The following MS4A6A variants were observed in gnomAD, a reference collection of about 807,000 sequenced individuals.
MS4A6A encodes membrane spanning 4-domains A6A.
Under a neutral mutation model 20.6 loss-of-function variants are expected in MS4A6A, and 19 were observed. The observed-to-expected ratio is 0.92, with a 90% CI of 0.64 to 1.36. The LOEUF (loss-of-function observed/expected upper bound fraction) is 1.36. Ranked by LOEUF, MS4A6A falls within the 40% of genes most tolerant of loss-of-function variation. The pLI, the probability that MS4A6A is intolerant of heterozygous loss-of-function variation, is 0.00. For synonymous variants in MS4A6A, 108 were observed against 105.0 expected, an observed-to-expected ratio of 1.03 and a Z score of -0.17; for missense variants, 272 against 261.1, an observed-to-expected ratio of 1.04 and a Z score of -0.29.
At position 60,179,932 on chromosome 11, in the gene MS4A6A, T is replaced by G. The variant is rs529814098; in HGVS notation, c.181A>C (p.Ser61Arg). 28 of 1,614,076 alleles carry G rather than the reference T, an allele frequency of 1.7e-5. No individual in the cohort carries two copies. In the South Asian group the frequency reaches 3.1e-4, roughly 18 times the overall value. Residue 61 changes from serine to arginine, a missense_variant, in exon 3 of 6, where the codon AGC becomes CGC. Physicochemically the swap from Ser to Arg is moderately radical, Grantham distance 110. Transcript: ENST00000528851. ...IQILCGMMVLSLGIILASASF... is the reference protein window; with the variant it reads ...IQILCGMMVLRLGIILASASF... Reference sequence around the variant, plus strand: ...GCAGATGCCAAAATGATCCCCAAGCTCAATACCATCATGCCACACAAGATC... The same window carrying G: ...GCAGATGCCAAAATGATCCCCAAGCGCAATACCATCATGCCACACAAGATC...
intron 4 of MS4A6A, among the ~76,000 whole-genome samples, chr11:60,176,234 A>G (rs1271477825): frequency 6.6e-6 from 1 of 152,164 alleles, no homozygotes; most frequent in Non-Finnish European, 1.5e-5. Context: ...CACTGAGTGC[A>G]GTATGGGGTG....
downstream of MS4A6A, among the ~76,000 whole-genome samples, chr11:60,171,822 T>C (rs1856601071): frequency 6.6e-6 from 1 of 152,314 alleles, no homozygotes; most frequent in African/African-American, 2.4e-5. Context: ...CTGTGATCCA[T>C]TGAATGATCA....
In MS4A6A at chr11:60,177,059, T is replaced by G. The variant is rs528806192; in HGVS notation, c.339+1201A>C. 6.6e-5 allele frequency: 10 copies of G among 152,348 alleles called. No individual in the cohort carries two copies. The South Asian group carries it at 1.5e-3, about 22-fold the overall frequency. 9.4% of individuals were successfully genotyped at this position (152,348 alleles called of 1,614,324 possible). The stretch of plus-strand genomic sequence containing the variant: ...GAAATTTTTATTCAGTTGCACTATA[T>G]TTCACATCATCGATAGCCACATGTG... On this transcript the variant is annotated intron_variant, in intron 4 of 5. Transcript: ENST00000528851.
chr11:60,183,205 T>C (rs2083833449), upstream of MS4A6A: 1 of 1,534,046 alleles, frequency 6.5e-7, no homozygotes, highest in Non-Finnish European at 8.7e-7. Flanking sequence ...AGTAAAACCA[T>C]GAAAAGAGCC....
intron 2 of MS4A6A, 88 bp from the exon 3 acceptor site, chr11:60,180,053 A>G: frequency 7.6e-7 from 1 of 1,317,900 alleles, no homozygotes; most frequent in South Asian, 1.4e-5. Context: ...CTAATGCATT[A>G]TCGCCTTCTG....
chr11:60,179,434 T>TG (rs897076232), intron 3 of MS4A6A: 3 of 507,296 alleles, frequency 5.9e-6, no homozygotes, highest in South Asian at 5.1e-5. Context: ...CCCACAAGCA[T>TG]GGGGGGGATA....
Position 60,172,698 on chromosome 11 carries a change from T to C in MS4A6A, c.*303A>G, listed in dbSNP as rs1402787461. ...ATAAGGGAGGCAAGCCAGGTTCTAG[T>C]GTCCTCAGCAAAGGCACAAACTCAT... is the stretch of plus-strand genomic sequence containing the variant. On this transcript the variant is annotated 3_prime_UTR_variant, in exon 6 of 6. Coordinates refer to ENST00000528851, the MANE Select transcript of MS4A6A (RefSeq NM_022349.4). The C allele has an allele frequency of 1.2e-5, 14 of 1,198,842 alleles. No individual in the cohort carries two copies. The highest frequency in any genetic ancestry group is 3.1e-6 in the Non-Finnish European group (3 of 953,650). The allele number at this position is 1,198,842 out of a possible 1,614,324, so 74.3% of individuals were successfully genotyped here. A position where few individuals can be genotyped will look rare whatever the true frequency, so the allele number is the denominator to read the frequency against.
intron 4 of MS4A6A, chr11:60,177,929 T>A (rs1856930177): frequency 6.5e-6 from 2 of 308,502 alleles, no homozygotes; most frequent in South Asian, 7.5e-5. Context: ...CACTGTCAGC[T>A]TCCTTGCCAC....
chr11:60,173,392 G>A (rs1323219702), intron 5 of MS4A6A, among the ~76,000 whole-genome samples: 1 of 152,158 alleles, frequency 6.6e-6, no homozygotes, highest in Non-Finnish European at 1.5e-5. Context: ...TTACTTCTTT[G>A]AGACATCCAT....
At chr11:60,178,351 C>T in intron 3 of MS4A6A, 35 bp from the exon 4 acceptor site, 2 of 1,575,336 alleles carry the variant, frequency 1.3e-6, no homozygotes, top group Non-Finnish European at 1.7e-6. Context: ...GGTCAGATTC[C>T]ATGTACAGAG....
chr11:60,180,001 C>T, intron 2 of MS4A6A, 36 bp from the exon 3 acceptor site: 1 of 1,604,302 alleles, frequency 6.2e-7, no homozygotes, highest in Non-Finnish European at 8.5e-7. Flanking sequence ...GGATGAAAAC[C>T]AGCATTTGTA....
At position 60,172,917 on chromosome 11, in the gene MS4A6A, T is replaced by C; in HGVS notation, c.*84A>G. 1 of 1,594,196 alleles carries C rather than the reference T, an allele frequency of 6.3e-7. No homozygotes were observed. The highest frequency in any genetic ancestry group is 8.6e-7 in the Non-Finnish European group (1 of 1,166,844). ...CACAATGCAAATGCCCTCCCATGTG[T>C]ATCTCATGACTGACTGATTGTTCCT... On this transcript the variant is annotated 3_prime_UTR_variant, in exon 6 of 6. Coordinates refer to ENST00000528851, the MANE Select transcript of MS4A6A (RefSeq NM_022349.4).
chr11:60,180,857 C>T (rs1857100439), intron 2 of MS4A6A: 1 of 324,146 alleles, frequency 3.1e-6, no homozygotes, highest in African/African-American at 2.2e-5. Context: ...TTATCATTTA[C>T]CAAAAAGTTT....
rs1033269617 is a variant in MS4A6A at position 60,172,674 on chromosome 11, T to C, written c.*327A>G. The C allele has an allele frequency of 2.0e-5, 23 of 1,174,698 alleles. No homozygotes were observed. Among genetic ancestry groups the C allele is most frequent in the Non-Finnish European group, 2.4e-5 (23 of 940,722 alleles). 72.8% of individuals were successfully genotyped at this position (1,174,698 alleles called of 1,614,324 possible). A position where few individuals can be genotyped will look rare whatever the true frequency, so the allele number is the denominator to read the frequency against. ...TTGTGGCAGAAATTGTTTCTGCTTA[T>C]AAGGGAGGCAAGCCAGGTTCTAGTG... On this transcript the variant is annotated 3_prime_UTR_variant, in exon 6 of 6. Transcript: ENST00000528851.
At chr11:60,181,511 G>A in intron 2 of MS4A6A, 70 bp downstream of exon 2, 2 of 1,586,090 alleles carry the variant, frequency 1.3e-6, no homozygotes, top group South Asian at 2.3e-5. Flanking sequence ...CAGATGTCCA[G>A]TCCCAAGACA....
chr11:60,174,900 T>C (rs1375369019), intron 5 of MS4A6A, among the ~76,000 whole-genome samples: 1 of 152,150 alleles, frequency 6.6e-6, no homozygotes, highest in Non-Finnish European at 1.5e-5. Flanking sequence ...TTCATTATTG[T>C]GATCATTAGA....
chr11:60,180,961 A>G, intron 2 of MS4A6A: 1 of 432,016 alleles, frequency 2.3e-6, no homozygotes, highest in Non-Finnish European at 4.6e-6. Context: ...ATCCAGTCAA[A>G]CAGAGTGCCT....
chr11:60,173,013 G>A lies in MS4A6A; in HGVS notation c.666C>T (p.Ala222=), dbSNP rs1225122544. ...YSDFPGVSVL[A]GFT is the part of the protein sequence containing the mutation. ...ACACTAGGCAAGGTTAAGTGAAGCC[G>A]GCCAGCACACTCACCCCAGGGAAGT... Residue 222 remains alanine, a synonymous_variant, in exon 6 of 6, where the codon GCC becomes GCT. Coordinates refer to ENST00000528851, the MANE Select transcript of MS4A6A (RefSeq NM_022349.4). 7 of 1,613,982 alleles carry A rather than the reference G, an allele frequency of 4.3e-6. No homozygotes were observed. The highest frequency in any genetic ancestry group is 2.2e-5 in the South Asian group (2 of 91,076).
Position 60,173,086 on chromosome 11 carries a change from C to G in MS4A6A, c.593G>C (p.Cys198Ser). The G allele has an allele frequency of 6.2e-7, 1 of 1,614,076 alleles. No homozygotes were observed. The highest frequency in any genetic ancestry group is 1.1e-5 in the South Asian group (1 of 91,088). The change falls in exon 6 of 6, where the codon TGC becomes TCC. Residue 198 changes from cysteine to serine, a missense_variant. Physicochemically the swap from Cys to Ser is moderately radical, Grantham distance 112 (BLOSUM62 -1). Coordinates refer to ENST00000528851, the MANE Select transcript of MS4A6A (RefSeq NM_022349.4). ...CAGCACAGCAGTGAGCACAGCTAGG[C>G]AGAATTCCAGCAGAGTGCAAATCAG... ...LMLICTLLEFCLAVLTAVLRW... is the reference protein window; with the variant it reads ...LMLICTLLEFSLAVLTAVLRW...
Sources: gnomAD v4.1 joint callset for allele counts (sites outside exome capture counted in the v4.1 genomes callset) on GRCh38, gnomAD v4.1.1 for gene constraint, MANE v1.5 for transcripts, NCBI Gene and HGNC (gene_info 2026-07-23, HGNC 2026-07-21) for gene names.